DNAH5: variants seen among roughly 807,000 people sequenced by gnomAD.
DNAH5 encodes the protein axonemal beta dynein heavy chain 5.
Under a neutral mutation model 518.2 loss-of-function variants are expected in DNAH5, and 372 were observed. The ratio of observed to expected loss-of-function variants is 0.72; its 90% confidence interval spans 0.66 to 0.78. The LOEUF is 0.78. Among genes scored for constraint, DNAH5 ranks in the 30% least tolerant of loss-of-function variants. DNAH5 has a pLI of 0.00. For synonymous variants in DNAH5, 2,039 were observed against 2,025.9 expected, an observed-to-expected ratio of 1.01 and a Z score of -0.17; for missense variants, 5,523 against 5,687.0, an observed-to-expected ratio of 0.97 and a Z score of 0.93.
chr5:13,942,724 T>C (rs149090937), intron 1 of DNAH5, among the ~76,000 whole-genome samples: 21 of 152,148 alleles, frequency 1.4e-4, no homozygotes, highest in Admixed American at 5.9e-4. Context: ...CCCCTCCCCA[T>C]TGATGTCTCC....
intron 1 of DNAH5, among the ~76,000 whole-genome samples, chr5:13,998,309 A>T (rs1784108930): frequency 6.6e-6 from 1 of 152,218 alleles, no homozygotes; most frequent in South Asian, 2.1e-4. Context: ...CTTTATAAGG[A>T]CATTACTCCC....
In DNAH5 at chr5:13,806,272, T is replaced by C. The variant is rs116466545; in HGVS notation, c.7887+1319A>G. On this transcript the variant is annotated intron_variant, in intron 47 of 78. Transcript: ENST00000265104. ...ATGCCACTGCTAAGTCACTGCAATT[T>C]GGGGTTGACCATCCATCCAGATCTG... Among the ~76,000 whole-genome samples the C allele has an allele frequency of 3.0e-3, 455 of 152,264 alleles. 3 individuals carry two copies. Among genetic ancestry groups the C allele is most frequent in the African/African-American group, 0.011 (439 of 41,548 alleles).
intron 44 of DNAH5, 72 bp downstream of exon 44, chr5:13,811,575 A>T: frequency 6.9e-7 from 1 of 1,442,046 alleles, no homozygotes; most frequent in Non-Finnish European, 9.8e-7. Flanking sequence ...ATAAGAGAGA[A>T]AATATAGTAC....
At chr5:13,702,948 G>A (rs963622867) in intron 76 of DNAH5, among the ~76,000 whole-genome samples, 1 of 151,944 alleles carries the variant, frequency 6.6e-6, no homozygotes, top group African/African-American at 2.4e-5. Flanking sequence ...CCTCACGTCT[G>A]TAGGCTGCCC....
At position 13,780,912 on chromosome 5, in the gene DNAH5, C is replaced by T; in HGVS notation, c.8868G>A (p.Gly2956=). Residue 2956 remains glycine, a synonymous_variant, in exon 53 of 79, where the codon GGG becomes GGA. Transcript: ENST00000265104. The stretch of plus-strand genomic sequence containing the variant: ...GGCTCTGCTTTCCTGATCCGCCCAC[C>T]CCGACCAGGAGGGCATTTCCCTGAG... ...RTPQGNALLV[G]VGGSGKQSLT... 1.2e-6 allele frequency: 2 copies of T among 1,613,766 alleles called. No individual in the cohort carries two copies. Among genetic ancestry groups the T allele is most frequent in the Non-Finnish European group, 1.7e-6 (2 of 1,179,774 alleles).
chr5:13,837,690 CACTTTTTTT>C, intron 35 of DNAH5, among the ~76,000 whole-genome samples: 1 of 141,624 alleles, frequency 7.1e-6, no homozygotes, highest in Non-Finnish European at 1.5e-5. Flanking sequence ...TTGGGAACTC[CACTTTTTTT>C]TTTTTTTTTT....
intron 46 of DNAH5, among the ~76,000 whole-genome samples, chr5:13,808,622 TG>T (rs2127003422): frequency 6.6e-6 from 1 of 152,348 alleles, no homozygotes; most frequent in African/African-American, 2.4e-5. Flanking sequence ...GACATTTTCG[TG>T]TATTCTAAAC....
At chr5:14,004,596 T>C (rs1022049045) in intron 1 of DNAH5, among the ~76,000 whole-genome samples, 1 of 152,204 alleles carries the variant, frequency 6.6e-6, no homozygotes, top group Non-Finnish European at 1.5e-5. Context: ...CTGTTTGACT[T>C]TGGGCAAGCC....
At chr5:13,851,465 G>A (rs538550139) in intron 30 of DNAH5, among the ~76,000 whole-genome samples, 1 of 152,102 alleles carries the variant, frequency 6.6e-6, no homozygotes, top group South Asian at 2.1e-4. Context: ...GTGCCACCAT[G>A]CCTAGCTAAA....
intron 31 of DNAH5, among the ~76,000 whole-genome samples, chr5:13,847,271 C>T (rs1002535039): frequency 6.6e-6 from 1 of 151,700 alleles, no homozygotes; most frequent in Non-Finnish European, 1.5e-5. Flanking sequence ...TGCTTATAAC[C>T]TCTTCTGGGT....
At chr5:13,804,948 T>C (rs1358139124) in intron 47 of DNAH5, among the ~76,000 whole-genome samples, 1 of 152,152 alleles carries the variant, frequency 6.6e-6, no homozygotes, top group East Asian at 1.9e-4. Context: ...CAGAGATAAA[T>C]GTCACAGAGT....
chr5:13,832,013 A>C (rs1031345133), intron 35 of DNAH5, among the ~76,000 whole-genome samples: 18 of 152,180 alleles, frequency 1.2e-4, no homozygotes, highest in African/African-American at 4.3e-4. Flanking sequence ...AGCCCACTCT[A>C]TCCGGGAAAG....
At chr5:13,931,638 G>A (rs1288571899) in intron 1 of DNAH5, among the ~76,000 whole-genome samples, 1 of 152,152 alleles carries the variant, frequency 6.6e-6, no homozygotes, top group Non-Finnish European at 1.5e-5. Flanking sequence ...TTTTTCTACA[G>A]TATCTCCTAT....
chr5:13,929,840 C>G (rs1436389260), intron 2 of DNAH5, among the ~76,000 whole-genome samples: 1 of 152,186 alleles, frequency 6.6e-6, no homozygotes, highest in African/African-American at 2.4e-5. Flanking sequence ...CTTGCATATT[C>G]CCAAATCCAG....
In DNAH5 at chr5:14,004,195, T is replaced by C. The variant is rs576363123; in HGVS notation, c.12+7453A>G. ...TATTGTGAAACAGGGCCACCAAATCTAGGTCAAGAGTCCCCCTGGCCCAGC... is the reference window on the plus strand; with the variant it reads ...TATTGTGAAACAGGGCCACCAAATCCAGGTCAAGAGTCCCCCTGGCCCAGC... On this transcript the variant is annotated intron_variant, in intron 1 of 78. Coordinates refer to the DNAH5 transcript ENST00000681290. Among the ~76,000 whole-genome samples the C allele has an allele frequency of 8.5e-5, 13 of 152,238 alleles. 1 individual carries two copies. The East Asian group carries it at 2.5e-3, about 29-fold the overall frequency.
intron 24 of DNAH5, among the ~76,000 whole-genome samples, chr5:13,869,847 C>T (rs1015763253): frequency 9.7e-4 from 148 of 152,040 alleles, no homozygotes; most frequent in African/African-American, 3.4e-3. Context: ...AAGGCTGTTG[C>T]TAAGACTGAT....
In DNAH5 at chr5:13,862,730, C is replaced by T. The variant is rs78667898; in HGVS notation, c.4614G>A (p.Ala1538=). The change falls in exon 29 of 79, where the codon GCG becomes GCA. Residue 1538 remains alanine, a synonymous_variant. Coordinates refer to ENST00000265104, the MANE Select transcript of DNAH5 (RefSeq NM_001369.3). ...KEEIEDICIS[A]VKERDIEQKL... ...TTTGCTCAATGTCTCTCTCTTTCAC[C>T]GCACTGATACAGATGTCCTATCAAA... 46 of 1,613,386 alleles carry T rather than the reference C, an allele frequency of 2.9e-5. No individual in the cohort carries two copies. Among genetic ancestry groups the T allele is most frequent in the African/African-American group, 1.1e-4 (8 of 74,958 alleles).
chr5:13,741,119 T>A lies in DNAH5; in HGVS notation c.11212-3624A>T, dbSNP rs150418087. On this transcript the variant is annotated intron_variant, in intron 65 of 78. Coordinates refer to ENST00000265104, the MANE Select transcript of DNAH5 (RefSeq NM_001369.3). ...AGTCTTTGTGCCAGAAATGCAGATGTGGAAATGCTCAATCTCTGAAAACCA... is the reference window on the plus strand; with the variant it reads ...AGTCTTTGTGCCAGAAATGCAGATGAGGAAATGCTCAATCTCTGAAAACCA... Among the ~76,000 whole-genome samples the A allele has an allele frequency of 1.3e-3, 196 of 152,274 alleles. 1 individual carries two copies. The highest frequency in any genetic ancestry group is 4.2e-3 in the African/African-American group (175 of 41,560).
At chr5:13,746,014 A>G (rs1749275803) in intron 65 of DNAH5, among the ~76,000 whole-genome samples, 1 of 152,138 alleles carries the variant, frequency 6.6e-6, no homozygotes, top group South Asian at 2.1e-4. Context: ...TACAATTAAC[A>G]TAATTACTTC....
Sources: gnomAD v4.1 joint callset for allele counts (sites outside exome capture counted in the v4.1 genomes callset) on GRCh38, gnomAD v4.1.1 for gene constraint, MANE v1.5 for transcripts, NCBI Gene and HGNC (gene_info 2026-07-23, HGNC 2026-07-21) for gene names.